Variants in NR3C1 observed in about 807,000 individuals in gnomAD.
NR3C1 encodes the protein glucocorticoid receptor.
NR3C1 carries 14 observed loss-of-function variants against 74.0 expected under a neutral mutation model. The ratio of observed to expected loss-of-function variants is 0.19; its 90% CI spans 0.12 to 0.30. The LOEUF is 0.30. NR3C1 is among the 10% of genes least tolerant of loss of function. NR3C1 has a pLI of 1.00. For synonymous variants in NR3C1, 308 were observed against 332.5 expected (o/e 0.93, Z 0.80); for missense variants, 695 against 909.8 (o/e 0.76, Z 3.04).
At position 143,403,476 on chromosome 5, in the gene NR3C1, G is replaced by C; in HGVS notation, c.-279C>G. On this transcript the variant is annotated 5_prime_UTR_variant, in exon 1 of 9. Coordinates refer to ENST00000394464, the MANE Select transcript of NR3C1 (RefSeq NM_000176.3). Reference sequence around the variant, plus strand: ...TTCCGGGCGCGCGTGCCCCGTCCCGGTCCCAGCTGCTTCGGCCGCTCCGGC... The same window carrying C: ...TTCCGGGCGCGCGTGCCCCGTCCCGCTCCCAGCTGCTTCGGCCGCTCCGGC... 5.1e-6 allele frequency: 5 copies of C among 985,360 alleles called. No individual in the cohort carries two copies. Among genetic ancestry groups the C allele is most frequent in the Non-Finnish European group, 6.0e-6 (5 of 829,968 alleles). The allele number at this position is 985,360 out of a possible 1,614,324, so 61.0% of individuals were successfully genotyped here.
At chr5:143,388,221 AAAT>A (rs1022968043) in intron 2 of NR3C1, among the ~76,000 whole-genome samples, 1 of 152,192 alleles carries the variant, frequency 6.6e-6, no homozygotes, top group Non-Finnish European at 1.5e-5. Flanking sequence ...TGTCAATTGA[AAAT>A]ACATCTTCTT....
chr5:143,373,664 T>C (rs1009253422), intron 2 of NR3C1, among the ~76,000 whole-genome samples: 1 of 151,408 alleles, frequency 6.6e-6, no homozygotes. Flanking sequence ...AGTTAAAACA[T>C]ATGAAACTAA....
chr5:143,328,900 T>C (rs567121400), intron 2 of NR3C1, among the ~76,000 whole-genome samples: 4 of 152,334 alleles, frequency 2.6e-5, no homozygotes, highest in East Asian at 3.9e-4. Flanking sequence ...AAAACAAGTC[T>C]CTAGGACGTT....
At chr5:143,326,904 A>C (rs1421529025) in intron 2 of NR3C1, among the ~76,000 whole-genome samples, 1 of 152,250 alleles carries the variant, frequency 6.6e-6, no homozygotes, top group Non-Finnish European at 1.5e-5. Flanking sequence ...ATCTGATGTG[A>C]GCAGATTGAG....
chr5:143,281,957 T>C lies in NR3C1; in HGVS notation c.2266A>G (p.Ile756Val). 6.2e-7 allele frequency: 1 copy of C among 1,613,536 alleles called. No individual in the cohort carries two copies. Among genetic ancestry groups the C allele is most frequent in the Non-Finnish European group, 8.5e-7 (1 of 1,179,620 alleles). Residue 756 changes from isoleucine (I) to valine (V), a missense_variant, in exon 9 of 9, where the codon ATC becomes GTC. By Grantham distance (29) the Ile-to-Val change is conservative (BLOSUM62 3). Coordinates refer to ENST00000394464, the MANE Select transcript of NR3C1 (RefSeq NM_000176.3). ...TATTTTGGTATCTGATTGGTGATGA[T>C]TTCAGCTAACATCTCGGGGAATTCA... ...SIEFPEMLAE[I>V]ITNQIPKYSN...
chr5:143,290,146 G>A (rs1254502321), intron 7 of NR3C1, among the ~76,000 whole-genome samples: 1 of 152,198 alleles, frequency 6.6e-6, no homozygotes, highest in Non-Finnish European at 1.5e-5. Context: ...AATGCTTTAA[G>A]GAGTATTTTG....
intron 1 of NR3C1, among the ~76,000 whole-genome samples, chr5:143,427,653 T>C (rs921852502): frequency 1.2e-4 from 19 of 152,190 alleles, no homozygotes; most frequent in African/African-American, 4.1e-4. Context: ...CCTGATAACA[T>C]TAAAATCAGA....
chr5:143,333,006 A>T, intron 2 of NR3C1: 1 of 1,587,236 alleles, frequency 6.3e-7, no homozygotes, highest in Non-Finnish European at 8.5e-7. Flanking sequence ...TCTGACAGAC[A>T]ACACAGTGAT....
At chr5:143,375,602 T>G (rs1457805268) in intron 2 of NR3C1, 1 of 152,246 alleles carries the variant, frequency 6.6e-6, no homozygotes, top group Non-Finnish European at 1.5e-5. Context: ...ATTAGATTGT[T>G]ACTAAAAATT....
At chr5:143,343,517 T>G (rs917802540) in intron 2 of NR3C1, among the ~76,000 whole-genome samples, 5 of 152,316 alleles carry the variant, frequency 3.3e-5, no homozygotes, top group Admixed American at 1.3e-4. Flanking sequence ...CCCCATTATA[T>G]AGACAAAGAA....
chr5:143,361,701 G>A (rs1007780154), intron 2 of NR3C1, among the ~76,000 whole-genome samples: 1 of 152,204 alleles, frequency 6.6e-6, no homozygotes, highest in African/African-American at 2.4e-5. Context: ...TTTGTCAGCT[G>A]CTGTAAGAAA....
intron 3 of NR3C1, 40 bp downstream of exon 3, chr5:143,313,962 C>G: frequency 1.9e-6 from 3 of 1,607,498 alleles, no homozygotes; most frequent in Non-Finnish European, 2.6e-6. Flanking sequence ...GAAATGAAAA[C>G]CAAGTAGAGG....
Position 143,390,274 on chromosome 5 carries a change from A to C in NR3C1, c.1184+9382T>G, listed in dbSNP as rs193160453. ...GAGGAATAAAAGTCAAAAATATATTAATTTTATATTGTAGCTATAACTCAA... is the reference window on the plus strand; with the variant it reads ...GAGGAATAAAAGTCAAAAATATATTCATTTTATATTGTAGCTATAACTCAA... On this transcript the variant is annotated intron_variant, in intron 2 of 8. Transcript: ENST00000394464. 1.4e-3 allele frequency among the ~76,000 whole-genome samples: 218 copies of C among 152,272 alleles called. 1 individual carries two copies. The highest frequency in any genetic ancestry group is 5.0e-3 in the African/African-American group (207 of 41,552).
intron 2 of NR3C1, among the ~76,000 whole-genome samples, chr5:143,330,873 T>G (rs1016657406): frequency 6.6e-6 from 1 of 152,214 alleles, no homozygotes; most frequent in African/African-American, 2.4e-5. Context: ...AAAATCGCCA[T>G]ACTGCCCAAA....
At position 143,400,850 on chromosome 5, in the gene NR3C1, C is replaced by T. The variant is rs1031649111; in HGVS notation, c.-11G>A. On this transcript the variant is annotated splice_region_variant and 5_prime_UTR_variant, in exon 2 of 9. An upstream open reading frame in the 5' UTR loses its in-frame stop. Transcript: ENST00000394464. ...TTCTTTGGAGTCCATCAGTGAATAT[C>T]AACTACAAAACAAAAAACAAAAACG... The T allele has an allele frequency of 8.7e-6, 14 of 1,610,828 alleles. No homozygotes were observed. The Admixed American group carries it at 2.2e-4, about 25-fold the overall frequency.
chr5:143,355,813 A>T (rs952977721), intron 2 of NR3C1, among the ~76,000 whole-genome samples: 1 of 152,220 alleles, frequency 6.6e-6, no homozygotes, highest in Non-Finnish European at 1.5e-5. Flanking sequence ...AATACTTAAT[A>T]ATTAGTACAG....
intron 4 of NR3C1, among the ~76,000 whole-genome samples, chr5:143,308,000 ACT>A (rs1233643501): frequency 2.0e-5 from 3 of 152,202 alleles, no homozygotes; most frequent in Non-Finnish European, 2.9e-5. Flanking sequence ...ACATGCTGAC[ACT>A]CTGCAGTTAA....
Position 143,403,153 on chromosome 5 carries a change from C to T in NR3C1, c.-14+58G>A, listed in dbSNP as rs935156825. On this transcript the variant is annotated intron_variant, in intron 1 of 8. Coordinates refer to ENST00000394464, the MANE Select transcript of NR3C1 (RefSeq NM_000176.3). The stretch of plus-strand genomic sequence containing the variant: ...CGGCGGCCCCCGAGTTGTCTCCGGT[C>T]CCAGCGGCACCTCGGGGGAGCGAGC... The T allele has an allele frequency of 1.9e-5, 19 of 983,544 alleles. No homozygotes were observed. In the African/African-American group the frequency reaches 3.0e-4, roughly 16 times the overall value. The allele number at this position is 983,544 out of a possible 1,614,324, so 60.9% of individuals were successfully genotyped here.
intron 2 of NR3C1, 136 bp from the exon 3 acceptor site, chr5:143,314,304 C>G (rs1821614073): frequency 6.0e-6 from 5 of 833,832 alleles, no homozygotes; most frequent in Non-Finnish European, 8.0e-6. Flanking sequence ...ACTAAAATAT[C>G]CTAGCTAAAT....
Sources: allele counts gnomAD v4.1 joint callset (sites outside exome capture counted in the v4.1 genomes callset), GRCh38; gene constraint gnomAD v4.1.1; transcripts MANE v1.5; gene names NCBI Gene and HGNC (gene_info 2026-07-23, HGNC 2026-07-21).